NOVA2: variants seen among roughly 807,000 people sequenced by gnomAD.
NOVA2 encodes the protein RNA-binding protein Nova-2.
Under a neutral mutation model 22.5 loss-of-function variants are expected in NOVA2, and 9 were observed. The ratio of observed to expected loss-of-function variants is 0.40; its 90% CI spans 0.24 to 0.70. The LOEUF is 0.70. Ranked by LOEUF, NOVA2 falls within the 30% of genes least tolerant of loss-of-function variation. NOVA2 has a pLI of 0.38. For synonymous variants in NOVA2, 318 were observed against 335.2 expected (o/e 0.95, Z 0.56); for missense variants, 383 against 682.8 (o/e 0.56, Z 4.89).
chr19:45,953,844 G>C lies in NOVA2; in HGVS notation c.332C>G (p.Thr111Ser). ...AAGGATGTTGACCACCTCAGGCTTGGTCATCGCTTGTGGGATTTCTCGGAC... is the reference window on the plus strand; with the variant it reads ...AAGGATGTTGACCACCTCAGGCTTGCTCATCGCTTGTGGGATTTCTCGGAC... Reference protein sequence around the residue: ...EKVREIPQAMTKPEVVNILQP... With the variant: ...EKVREIPQAMSKPEVVNILQP... Residue 111 changes from threonine to serine, a missense_variant, in exon 3 of 4, where the codon ACC (threonine) becomes AGC (serine). Thr to Ser is a moderately conservative substitution (Grantham distance 58). Around this residue, in one of 2 missense-constraint regions of NOVA2, gnomAD observed 349 missense variants for 578.1 expected, o/e 0.60. Coordinates refer to ENST00000263257, the MANE Select transcript of NOVA2 (RefSeq NM_002516.4). 6.2e-7 allele frequency: 1 copy of C among 1,614,200 alleles called. No individual in the cohort carries two copies. Among genetic ancestry groups the C allele is most frequent in the Non-Finnish European group, 8.5e-7 (1 of 1,180,046 alleles).
At chr19:45,967,135 C>A (rs1035392773) in intron 1 of NOVA2, among the ~76,000 whole-genome samples, 1 of 152,080 alleles carries the variant, frequency 6.6e-6, no homozygotes, top group Non-Finnish European at 1.5e-5. Flanking sequence ...CTAAGACCTC[C>A]CACCTGTAGA....
intron 3 of NOVA2, among the ~76,000 whole-genome samples, chr19:45,942,644 C>T (rs1436142285): frequency 6.6e-6 from 1 of 152,086 alleles, no homozygotes; most frequent in Non-Finnish European, 1.5e-5. Context: ...AGATTTCAAT[C>T]TCCTTCTAAT....
At chr19:45,943,297 C>T (rs1967789151) in intron 3 of NOVA2, among the ~76,000 whole-genome samples, 1 of 151,396 alleles carries the variant, frequency 6.6e-6, no homozygotes, top group Non-Finnish European at 1.5e-5. Context: ...CTCAAGTGAT[C>T]CAGCCACCTC....
intron 1 of NOVA2, among the ~76,000 whole-genome samples, chr19:45,964,125 GT>G (rs1392968139): frequency 8.0e-5 from 12 of 149,688 alleles, no homozygotes; most frequent in African/African-American, 2.0e-4. Context: ...TCCCCCAATG[GT>G]TTTTCAACTT....
rs368703346 is a variant in NOVA2, at chr19:45,953,394, T to C, written c.396+386A>G. On this transcript the variant is annotated intron_variant, in intron 3 of 3. Transcript: ENST00000263257. ...GGCCATTTGTAAACTCTTCTGGATG[T>C]GGCTGAACTGTCACTGAGGTCACTT... Among the ~76,000 whole-genome samples, 27 of 152,284 alleles carry C rather than the reference T, an allele frequency of 1.8e-4. No individual in the cohort carries two copies. In the East Asian group the frequency reaches 4.8e-3, roughly 27 times the overall value.
At position 45,973,282 on chromosome 19, in the gene NOVA2, G is replaced by A; in HGVS notation, c.70C>T (p.Arg24Cys). The A allele has an allele frequency of 6.8e-7, 1 of 1,467,336 alleles. No individual in the cohort carries two copies. The highest frequency in any genetic ancestry group is 9.0e-7 in the Non-Finnish European group (1 of 1,105,514). The allele number at this position is 1,467,336 out of a possible 1,614,324, so 90.9% of individuals were successfully genotyped here. ...ETPPEVVCTK[R>C]SNTGEEGEYF... ...CCTTTCTCACCTCCCGTGTTGCTGCGCTTGGTGCAGACCACCTCGGGGGGC... is the reference window on the plus strand; with the variant it reads ...CCTTTCTCACCTCCCGTGTTGCTGCACTTGGTGCAGACCACCTCGGGGGGC... Residue 24 changes from arginine to cysteine, a missense_variant, in exon 1 of 4, where the codon CGC becomes TGC. By Grantham distance (180) the Arg-to-Cys change is radical. Around this residue, in one of 2 missense-constraint regions of NOVA2, gnomAD observed 349 missense variants for 578.1 expected, o/e 0.60. Coordinates refer to ENST00000263257, the MANE Select transcript of NOVA2 (RefSeq NM_002516.4).
At chr19:45,945,838 ATTTTTT>A (rs113215875) in intron 3 of NOVA2, among the ~76,000 whole-genome samples, 1 of 144,632 alleles carries the variant, frequency 6.9e-6, no homozygotes, top group African/African-American at 2.5e-5. Context: ...TATTATTATT[ATTTTTT>A]TTTTTTTTGA....
At chr19:45,943,860 C>A (rs1011007659) in intron 3 of NOVA2, among the ~76,000 whole-genome samples, 1 of 151,986 alleles carries the variant, frequency 6.6e-6, no homozygotes, top group African/African-American at 2.4e-5. Context: ...ATGTAAGTAC[C>A]AAGTATTGTT....
chr19:45,956,482 TTC>T (rs1302821534), intron 2 of NOVA2, among the ~76,000 whole-genome samples: 1 of 150,418 alleles, frequency 6.6e-6, no homozygotes, highest in Non-Finnish European at 1.5e-5. Context: ...TTTTTTTTTT[TTC>T]CCTGAGACAA....
chr19:45,966,062 G>T (rs948648337), intron 1 of NOVA2, among the ~76,000 whole-genome samples: 2 of 152,242 alleles, frequency 1.3e-5, no homozygotes, highest in Non-Finnish European at 2.9e-5. Context: ...AGGAGGAGGG[G>T]TGATCCTACT....
Position 45,940,140 on chromosome 19 carries a change from G to C in NOVA2, c.1202C>G (p.Ala401Gly). 6.2e-7 allele frequency: 1 copy of C among 1,609,180 alleles called. No individual in the cohort carries two copies. Among genetic ancestry groups the C allele is most frequent in the East Asian group, 2.2e-5 (1 of 44,754 alleles). Residue 401 changes from alanine (A) to glycine (G), a missense_variant, in exon 4 of 4, where the codon GCG (alanine) becomes GGG (glycine). This residue lies in a region of NOVA2 where 349 missense variants were observed against 578.1 expected (regional missense o/e 0.60). Transcript: ENST00000263257. ...AGGFLTAEKL[A>G]AESAKELVEI... ...CACCAGCTCCTTGGCACTCTCAGCC[G>C]CCAGCTTCTCCGCCGTCAGGAAGCC...
intron 3 of NOVA2, among the ~76,000 whole-genome samples, chr19:45,943,753 C>T (rs1047110181): frequency 6.0e-5 from 9 of 150,574 alleles, no homozygotes; most frequent in African/African-American, 2.2e-4. Context: ...CAGAACCCAA[C>T]TGACACAGTG....
At position 45,938,847 on chromosome 19, in the gene NOVA2, A is replaced by T. The variant is rs1487602469; in HGVS notation, c.*1016T>A. 1.3e-5 allele frequency: 2 copies of T among 152,234 alleles called. No individual in the cohort carries two copies. Among genetic ancestry groups the T allele is most frequent in the African/African-American group, 2.4e-5 (1 of 41,448 alleles). 9.4% of individuals were successfully genotyped at this position (152,234 alleles called of 1,614,324 possible). A position where few individuals can be genotyped will look rare whatever the true frequency, so the allele number is the denominator to read the frequency against. On this transcript the variant is annotated 3_prime_UTR_variant, in exon 4 of 4. Coordinates refer to ENST00000263257, the MANE Select transcript of NOVA2 (RefSeq NM_002516.4). ...GAAGTACATGCTTCAGCCTAATGAC[A>T]TCACAGGACGTGACCTCTAGGCATC...
chr19:45,941,039 C>T (rs1967749826), intron 3 of NOVA2, 94 bp from the exon 4 acceptor site: 3 of 1,243,506 alleles, frequency 2.4e-6, no homozygotes, highest in African/African-American at 1.5e-5. Flanking sequence ...CCTGTAATCC[C>T]AGCACTTTGG....
chr19:45,964,414 T>C (rs1285791317), intron 1 of NOVA2, among the ~76,000 whole-genome samples: 23 of 142,724 alleles, frequency 1.6e-4, no homozygotes, highest in Admixed American at 1.1e-3. Flanking sequence ...TTAGTAGAGA[T>C]GGGGTTTCAC....
chr19:45,965,645 G>A (rs1968158402), intron 1 of NOVA2, among the ~76,000 whole-genome samples: 1 of 151,996 alleles, frequency 6.6e-6, no homozygotes, highest in Admixed American at 6.6e-5. Flanking sequence ...CAGGAGAGTC[G>A]TTTGAACCCA....
intron 3 of NOVA2, among the ~76,000 whole-genome samples, chr19:45,943,248 G>A (rs1028120661): frequency 6.6e-6 from 1 of 151,138 alleles, no homozygotes; most frequent in African/African-American, 2.4e-5. Flanking sequence ...TAGAGACAGG[G>A]TTTCACCATG....
At position 45,936,158 on chromosome 19, in the gene NOVA2, C is replaced by A. The variant is rs1967649428; in HGVS notation, c.*3705G>T. The stretch of plus-strand genomic sequence containing the variant: ...GAGGTTAATTTGGCACATCGAACCC[C>A]CTCTTCTCATAGGAGCTTTGAGGTC... On this transcript the variant is annotated 3_prime_UTR_variant, in exon 4 of 4. Transcript: ENST00000263257. 1 of 152,200 alleles carries A rather than the reference C, an allele frequency of 6.6e-6. No individual in the cohort carries two copies. The highest frequency in any genetic ancestry group is 6.5e-5 in the Admixed American group (1 of 15,282). The allele number at this position is 152,200 out of a possible 1,614,324, so 9.4% of individuals were successfully genotyped here.
chr19:45,959,913 A>G (rs1301409892), intron 2 of NOVA2, among the ~76,000 whole-genome samples: 1 of 151,982 alleles, frequency 6.6e-6, no homozygotes, highest in Non-Finnish European at 1.5e-5. Flanking sequence ...TAAAAAATCC[A>G]AGGGGATTAA....
Sources: gnomAD v4.1 joint callset for allele counts (sites outside exome capture counted in the v4.1 genomes callset) on GRCh38, gnomAD v4.1.1 for gene constraint, gnomAD v4.1.1 regional missense constraint, MANE v1.5 for transcripts, NCBI Gene and HGNC (gene_info 2026-07-23, HGNC 2026-07-21) for gene names.